NCAPG: variants seen among roughly 807,000 people sequenced by gnomAD.
NCAPG encodes condensin complex subunit 3.
Under a neutral mutation model 113.1 loss-of-function variants are expected in NCAPG, and 69 were observed. The observed-to-expected ratio is 0.61, with a 90% CI of 0.50 to 0.75. The LOEUF is 0.75. Among genes scored for constraint, NCAPG ranks in the 30% least tolerant of loss-of-function variants. NCAPG has a pLI of 0.00. For synonymous variants in NCAPG, 370 were observed against 415.8 expected, an observed-to-expected ratio of 0.89 and a Z score of 1.34; for missense variants, 1,058 against 1,177.0, an observed-to-expected ratio of 0.90 and a Z score of 1.48.
At chr4:17,816,389 T>G (rs1267299071) in intron 5 of NCAPG, among the ~76,000 whole-genome samples, 1 of 152,196 alleles carries the variant, frequency 6.6e-6, no homozygotes, top group Admixed American at 6.5e-5. Flanking sequence ...GGCCACAGAC[T>G]GGTACTAGTC....
chr4:17,817,828 A>G (rs1721276560), intron 6 of NCAPG, 111 bp from the exon 7 acceptor site: 10 of 1,042,686 alleles, frequency 9.6e-6, no homozygotes, highest in Non-Finnish European at 1.3e-5. Context: ...TCTAATTAAA[A>G]GGATAGTGTA....
Position 17,814,879 on chromosome 4 carries a change from T to G in NCAPG, c.571T>G (p.Ser191Ala), listed in dbSNP as rs1340740017. Residue 191 changes from serine (S) to alanine (A), a missense_variant, in exon 4 of 21, where the codon TCA becomes GCA. Ser to Ala is a moderately conservative substitution (Grantham distance 99). Transcript: ENST00000251496. The stretch of plus-strand genomic sequence containing the variant: ...ATATGCTACTTTGATTGAAAATGAT[T>G]CAAATCCAGAAGTTAGACGGGCAGT... ...NAYATLIEND[S>A]NPEVRRAVLS... 3.1e-6 allele frequency: 5 copies of G among 1,614,220 alleles called. No individual in the cohort carries two copies. The highest frequency in any genetic ancestry group is 2.2e-5 in the South Asian group (2 of 91,080).
chr4:17,837,365 A>G lies in NCAPG; in HGVS notation c.2291+25A>G, dbSNP rs376425437. The stretch of plus-strand genomic sequence containing the variant: ...GGTATTGAGTCATACTGATAAATCA[A>G]AAATCTGACTTGACATCAAATTCAA... On this transcript the variant is annotated intron_variant, in intron 15 of 20. Coordinates refer to ENST00000251496, the MANE Select transcript of NCAPG (RefSeq NM_022346.5). 1.8e-5 allele frequency: 29 copies of G among 1,576,862 alleles called. 1 individual carries two copies. The highest frequency in any genetic ancestry group is 3.4e-4 in the Middle Eastern group (2 of 5,874).
rs751842447 is a variant in NCAPG at position 17,825,065 on chromosome 4, T to G, written c.1473+8T>G. ...AGAAAGAAAGAACTCAAGGTAAGTC[T>G]CTTTTAAATGAAAGAAGTGCTTGAG... On this transcript the variant is annotated splice_region_variant and intron_variant, in intron 10 of 20. Coordinates refer to ENST00000251496, the MANE Select transcript of NCAPG (RefSeq NM_022346.5). 1.2e-6 allele frequency: 2 copies of G among 1,602,352 alleles called. No individual in the cohort carries two copies. Among genetic ancestry groups the G allele is most frequent in the Non-Finnish European group, 8.5e-7 (1 of 1,170,894 alleles).
At chr4:17,815,065 C>T in intron 4 of NCAPG, 67 bp downstream of exon 4, 1 of 1,575,764 alleles carries the variant, frequency 6.3e-7, no homozygotes, top group East Asian at 2.2e-5. Flanking sequence ...CTTAAAGTGC[C>T]TTTGAAAAAT....
At chr4:17,826,314 G>A (rs1256125864) in intron 11 of NCAPG, among the ~76,000 whole-genome samples, 2 of 152,062 alleles carry the variant, frequency 1.3e-5, no homozygotes, top group African/African-American at 4.8e-5. Flanking sequence ...CTTTTGGGAT[G>A]TGCTGATTAT....
chr4:17,818,096 T>A lies in NCAPG; in HGVS notation c.1118+8T>A, dbSNP rs1560223494. ...TGCAGACTATTTATTGAGGTAAATT[T>A]TTTTTCTTTTAGTTTGGAGAGTGAT... On this transcript the variant is annotated splice_region_variant and intron_variant, in intron 7 of 20. Transcript: ENST00000251496. 6.3e-7 allele frequency: 1 copy of A among 1,592,602 alleles called. No individual in the cohort carries two copies. The highest frequency in any genetic ancestry group is 2.3e-5 in the East Asian group (1 of 44,390).
At position 17,825,077 on chromosome 4, in the gene NCAPG, A is replaced by G. The variant is rs1721610017; in HGVS notation, c.1473+20A>G. On this transcript the variant is annotated intron_variant, in intron 10 of 20. Coordinates refer to ENST00000251496, the MANE Select transcript of NCAPG (RefSeq NM_022346.5). ...CTCAAGGTAAGTCTCTTTTAAATGA[A>G]AGAAGTGCTTGAGTGTAATGTAGCT... The G allele has an allele frequency of 6.3e-7, 1 of 1,575,252 alleles. No homozygotes were observed. The highest frequency in any genetic ancestry group is 8.7e-7 in the Non-Finnish European group (1 of 1,147,058).
At position 17,831,301 on chromosome 4, in the gene NCAPG, C is replaced by T. The variant is rs531988323; in HGVS notation, c.1884+185C>T. Among the ~76,000 whole-genome samples, 698 of 152,150 alleles carry T rather than the reference C, an allele frequency of 4.6e-3. 10 individuals carry two copies. Among genetic ancestry groups the T allele is most frequent in the African/African-American group, 0.016 (664 of 41,506 alleles). On this transcript the variant is annotated intron_variant, in intron 13 of 20. Transcript: ENST00000251496. Reference sequence around the variant, plus strand: ...AATGTCTTTGTAGAAAAAGATGAAACGCCAATTATGTAAGATATTCTTTTA... The same window carrying T: ...AATGTCTTTGTAGAAAAAGATGAAATGCCAATTATGTAAGATATTCTTTTA...
At chr4:17,840,033 C>T (rs754434457) in intron 17 of NCAPG, 38 bp from the exon 18 acceptor site, 237 of 1,568,896 alleles carry the variant, frequency 1.5e-4, no homozygotes, top group Non-Finnish European at 1.8e-4. Context: ...TTAGGGAATG[C>T]GGTGTTTACA....
chr4:17,823,128 G>A lies in NCAPG; in HGVS notation c.1259+5G>A. 6.2e-7 allele frequency: 1 copy of A among 1,604,330 alleles called. No homozygotes were observed. The highest frequency in any genetic ancestry group is 8.5e-7 in the Non-Finnish European group (1 of 1,176,038). On this transcript the variant is annotated splice_donor_5th_base_variant and intron_variant, in intron 8 of 20. Transcript: ENST00000251496. ...TACCAGTGAAGAAGGAGGAAGGTATGTCTAAATGTTAACACTCATTCTAAT... is the reference window on the plus strand; with the variant it reads ...TACCAGTGAAGAAGGAGGAAGGTATATCTAAATGTTAACACTCATTCTAAT...
In NCAPG at chr4:17,843,342, A is replaced by AGAC; in HGVS notation, c.2966_2968dup (p.Arg989dup). On this transcript the variant is annotated inframe_insertion, in exon 21 of 21. Coordinates refer to ENST00000251496, the MANE Select transcript of NCAPG (RefSeq NM_022346.5). The stretch of plus-strand genomic sequence containing the variant: ...AGAACCAGAATCAGAAATGAAGATG[A>AGAC]GACTACCAAGACGAGCCAAAACCGC... 1 of 1,612,074 alleles carries AGAC rather than the reference A, an allele frequency of 6.2e-7. No homozygotes were observed. Among genetic ancestry groups the AGAC allele is most frequent in the Non-Finnish European group, 8.5e-7 (1 of 1,178,378 alleles).
intron 5 of NCAPG, 109 bp downstream of exon 5, chr4:17,815,467 A>G (rs1721163762): frequency 2.9e-6 from 2 of 694,026 alleles, no homozygotes; most frequent in Non-Finnish European, 2.4e-6. Context: ...TGCCAGTCCC[A>G]TGAACCTGGT....
At position 17,834,462 on chromosome 4, in the gene NCAPG, T is replaced by C. The variant is rs1161960057; in HGVS notation, c.2048T>C (p.Val683Ala). ...GATGATGAGCAAGAATCAAAAGAAGTTGAAGAGACTGCTACAGCTAAGAAT... is the reference window on the plus strand; with the variant it reads ...GATGATGAGCAAGAATCAAAAGAAGCTGAAGAGACTGCTACAGCTAAGAAT... The part of the protein sequence containing the change: ...NSDDEQESKE[V>A]EETATAKNVL... Residue 683 changes from valine to alanine, a missense_variant, in exon 14 of 21, where the codon GTT (valine) becomes GCT (alanine). Physicochemically the swap from Val to Ala is moderately conservative, Grantham distance 64. Transcript: ENST00000251496. 5.0e-6 allele frequency: 8 copies of C among 1,610,208 alleles called. No individual in the cohort carries two copies. The highest frequency in any genetic ancestry group is 1.3e-5 in the African/African-American group (1 of 74,784).
chr4:17,820,544 A>G (rs915453880), intron 7 of NCAPG, among the ~76,000 whole-genome samples: 72 of 152,102 alleles, frequency 4.7e-4, no homozygotes, highest in African/African-American at 1.6e-3. Flanking sequence ...GGAGCTTGCA[A>G]TGAGCCGAGA....
chr4:17,819,548 C>T (rs555014205), intron 7 of NCAPG, among the ~76,000 whole-genome samples: 35 of 152,102 alleles, frequency 2.3e-4, no homozygotes, highest in African/African-American at 7.7e-4. Context: ...ACTACAGGCA[C>T]GCGCCTCCAT....
chr4:17,828,076 C>T (rs1251142905), intron 11 of NCAPG, among the ~76,000 whole-genome samples: 1 of 152,112 alleles, frequency 6.6e-6, no homozygotes, highest in Non-Finnish European at 1.5e-5. Flanking sequence ...GCTAGGATTA[C>T]AGGCGTGAGT....
intron 12 of NCAPG, 130 bp downstream of exon 12, chr4:17,828,518 T>A (rs1721742182): frequency 7.4e-6 from 3 of 407,406 alleles, no homozygotes; most frequent in South Asian, 5.0e-5. Flanking sequence ...AATGATAAAA[T>A]ATATATATAT....
chr4:17,812,523 G>C lies in NCAPG; in HGVS notation c.315+99G>C, dbSNP rs577578031. Reference sequence around the variant, plus strand: ...TATGTTTTTGACAATGAAATATCTAGTGATTGAAAAAACCTGAATGAGTCT... The same window carrying C: ...TATGTTTTTGACAATGAAATATCTACTGATTGAAAAAACCTGAATGAGTCT... On this transcript the variant is annotated intron_variant, in intron 2 of 20. Transcript: ENST00000251496. 7 of 857,848 alleles carry C rather than the reference G, an allele frequency of 8.2e-6. No individual in the cohort carries two copies. In the African/African-American group the frequency reaches 1.2e-4, roughly 15 times the overall value. 53.1% of individuals were successfully genotyped at this position (857,848 alleles called of 1,614,324 possible).
Sources: allele counts gnomAD v4.1 joint callset (sites outside exome capture counted in the v4.1 genomes callset), GRCh38; gene constraint gnomAD v4.1.1; transcripts MANE v1.5; gene names NCBI Gene and HGNC (gene_info 2026-07-23, HGNC 2026-07-21).